Variants in LEMD3 observed in about 807,000 individuals in gnomAD.
LEMD3 encodes inner nuclear membrane protein Man1.
In LEMD3, 33 loss-of-function variants were observed where a neutral mutation model predicts 95.2. The observed-to-expected ratio is 0.35, with a 90% CI of 0.26 to 0.46. The LOEUF (loss-of-function observed/expected upper bound fraction) is 0.46. Ranked by LOEUF, LEMD3 falls within the 20% of genes least tolerant of loss-of-function variation. LEMD3 has a pLI of 1.00. For synonymous variants in LEMD3, 525 were observed against 474.6 expected (o/e 1.11, Z -1.38); for missense variants, 1,210 against 1,192.8 (o/e 1.01, Z -0.21).
At chr12:65,206,228 T>A (rs1869759962) in intron 1 of LEMD3, among the ~76,000 whole-genome samples, 1 of 152,190 alleles carries the variant, frequency 6.6e-6, no homozygotes. Flanking sequence ...AATGTCTGTT[T>A]ACATAAAGAT....
chr12:65,227,595 A>G (rs1304652213), intron 4 of LEMD3, among the ~76,000 whole-genome samples: 1 of 152,188 alleles, frequency 6.6e-6, no homozygotes, highest in Non-Finnish European at 1.5e-5. Flanking sequence ...ATTACTGATA[A>G]TACAATGTAA....
At chr12:65,208,391 C>T (rs995075148) in intron 1 of LEMD3, among the ~76,000 whole-genome samples, 5 of 152,060 alleles carry the variant, frequency 3.3e-5, no homozygotes, top group Non-Finnish European at 5.9e-5. Flanking sequence ...ACTCTCAGGT[C>T]CCTCCCTAGT....
chr12:65,195,071 T>C (rs763571306), intron 1 of LEMD3, among the ~76,000 whole-genome samples: 3 of 152,032 alleles, frequency 2.0e-5, no homozygotes, highest in Admixed American at 6.6e-5. Context: ...CTTACTGTTA[T>C]AGTTTTTGCA....
At chr12:65,205,187 C>T (rs535944788) in intron 1 of LEMD3, among the ~76,000 whole-genome samples, 1 of 152,166 alleles carries the variant, frequency 6.6e-6, no homozygotes, top group African/African-American at 2.4e-5. Flanking sequence ...ATGGGGGAAA[C>T]TGCCTCCATG....
intron 4 of LEMD3, among the ~76,000 whole-genome samples, chr12:65,229,893 A>G (rs374524055): frequency 6.6e-6 from 1 of 152,136 alleles, no homozygotes; most frequent in African/African-American, 2.4e-5. Context: ...CTTTGTCCAG[A>G]CTAATGTCCT....
intron 1 of LEMD3, among the ~76,000 whole-genome samples, chr12:65,185,067 C>G (rs1031486551): frequency 2.0e-5 from 3 of 152,038 alleles, no homozygotes; most frequent in Non-Finnish European, 4.4e-5. Context: ...AAGTAATCCT[C>G]CCACCTCAGT....
intron 1 of LEMD3, among the ~76,000 whole-genome samples, chr12:65,176,970 A>G (rs1868739555): frequency 6.6e-6 from 1 of 152,212 alleles, no homozygotes; most frequent in Non-Finnish European, 1.5e-5. Flanking sequence ...AAGGATATAT[A>G]AAAGAAATCT....
At chr12:65,219,754 T>G (rs1366122699) in intron 4 of LEMD3, among the ~76,000 whole-genome samples, 1 of 152,196 alleles carries the variant, frequency 6.6e-6, no homozygotes, top group African/African-American at 2.4e-5. Flanking sequence ...TTTTACTTTC[T>G]TCCTCCATCA....
At chr12:65,235,123 G>A (rs1870737379) in intron 4 of LEMD3, among the ~76,000 whole-genome samples, 2 of 151,988 alleles carry the variant, frequency 1.3e-5, no homozygotes, top group African/African-American at 4.8e-5. Flanking sequence ...GGTACTATGT[G>A]GCATCTGTGT....
chr12:65,233,944 C>T (rs1423843909), intron 4 of LEMD3, among the ~76,000 whole-genome samples: 3 of 152,116 alleles, frequency 2.0e-5, no homozygotes, highest in African/African-American at 7.2e-5. Context: ...GGAAAATATA[C>T]TTCAAATTTA....
chr12:65,243,379 T>C lies in LEMD3; in HGVS notation c.2306-9T>C, dbSNP rs762342331. ...ATGTCAAATAGTAAAACTAACTTGTTTTTTGTAGCATTTCATTTAGATAGA... is the reference window on the plus strand; with the variant it reads ...ATGTCAAATAGTAAAACTAACTTGTCTTTTGTAGCATTTCATTTAGATAGA... On this transcript the variant is annotated splice_polypyrimidine_tract_variant and intron_variant, in intron 9 of 12. Coordinates refer to ENST00000308330, the MANE Select transcript of LEMD3 (RefSeq NM_014319.5). The C allele has an allele frequency of 6.5e-7, 1 of 1,530,078 alleles. No homozygotes were observed. The highest frequency in any genetic ancestry group is 9.1e-7 in the Non-Finnish European group (1 of 1,103,424). The allele number at this position is 1,530,078 out of a possible 1,614,324, so 94.8% of individuals were successfully genotyped here.
chr12:65,224,131 T>A (rs1163406059), intron 4 of LEMD3, among the ~76,000 whole-genome samples: 1 of 152,164 alleles, frequency 6.6e-6, no homozygotes, highest in Non-Finnish European at 1.5e-5. Flanking sequence ...CACAATTAAG[T>A]GATTTACACA....
At chr12:65,245,132 C>CTTT (rs536543524) in intron 10 of LEMD3, among the ~76,000 whole-genome samples, 1 of 139,330 alleles carries the variant, frequency 7.2e-6, no homozygotes, top group Non-Finnish European at 1.6e-5. Flanking sequence ...TCTCTGCACT[C>CTTT]TTTTTTTTTT....
rs553306984 is a variant in LEMD3 at position 65,216,775 on chromosome 12, T to C, written c.1627+732T>C. Among the ~76,000 whole-genome samples the C allele has an allele frequency of 1.7e-3, 253 of 152,268 alleles. 1 individual carries two copies. Among genetic ancestry groups the C allele is most frequent in the Admixed American group, 5.8e-3 (88 of 15,292 alleles). On this transcript the variant is annotated intron_variant, in intron 3 of 12. Coordinates refer to ENST00000308330, the MANE Select transcript of LEMD3 (RefSeq NM_014319.5). ...TTATTGGTAGCAGCCTATAGGTAAA[T>C]ATGGAACTTCTCTGGTTGAATGGAG...
Position 65,226,107 on chromosome 12 carries a change from G to A in LEMD3, c.1695+7488G>A, listed in dbSNP as rs141361143. On this transcript the variant is annotated intron_variant, in intron 4 of 12. Coordinates refer to ENST00000308330, the MANE Select transcript of LEMD3 (RefSeq NM_014319.5). ...TGGGGGTAGGGACAATGGTGAGTGA[G>A]TGCTGTTGCCTTTGTTCTTAGTAGT... is the stretch of plus-strand genomic sequence containing the variant. Among the ~76,000 whole-genome samples the A allele has an allele frequency of 2.8e-3, 432 of 152,336 alleles. 9 individuals are homozygous for A. Among genetic ancestry groups the A allele is most frequent in the African/African-American group, 9.7e-3 (402 of 41,578 alleles).
chr12:65,227,121 A>G (rs1235096786), intron 4 of LEMD3, among the ~76,000 whole-genome samples: 1 of 152,140 alleles, frequency 6.6e-6, no homozygotes, highest in East Asian at 1.9e-4. Flanking sequence ...GTCAGGGTGC[A>G]GGCAAAAAAA....
chr12:65,219,624 T>C (rs1870220880), intron 4 of LEMD3, among the ~76,000 whole-genome samples: 1 of 152,174 alleles, frequency 6.6e-6, no homozygotes, highest in Non-Finnish European at 1.5e-5. Flanking sequence ...ACCGTACAAC[T>C]ATATGTGCAT....
intron 2 of LEMD3, among the ~76,000 whole-genome samples, chr12:65,215,549 G>A (rs575726228): frequency 5.9e-5 from 9 of 152,116 alleles, no homozygotes; most frequent in African/African-American, 1.9e-4. Flanking sequence ...ATCAGTCAAC[G>A]TGCCAGTACT....
intron 3 of LEMD3, 80 bp downstream of exon 3, chr12:65,216,123 C>A (rs1449955454): frequency 3.3e-6 from 3 of 900,522 alleles, no homozygotes; most frequent in Admixed American, 1.8e-5. Flanking sequence ...AATATTTTTC[C>A]AAGTCCAGTG....
Sources: gnomAD v4.1 joint callset for allele counts (sites outside exome capture counted in the v4.1 genomes callset) on GRCh38, gnomAD v4.1.1 for gene constraint, MANE v1.5 for transcripts, NCBI Gene and HGNC (gene_info 2026-07-23, HGNC 2026-07-21) for gene names.